Variants in VPS35L observed in about 807,000 individuals in gnomAD.
VPS35L encodes the protein VPS35 endosomal protein sorting factor like.
Under a neutral mutation model 133.0 loss-of-function variants are expected in VPS35L, and 83 were observed. The observed-to-expected ratio is 0.62, with a 90% CI of 0.52 to 0.75. The LOEUF (loss-of-function observed/expected upper bound fraction) is 0.75, where lower values mean the gene tolerates loss of function less well. VPS35L is among the 30% of genes least tolerant of loss of function. The pLI, the probability that VPS35L is intolerant of heterozygous loss-of-function variation, is 0.00. For synonymous variants in VPS35L, 423 were observed against 449.9 expected (o/e 0.94, Z 0.76); for missense variants, 1,083 against 1,206.8 (o/e 0.90, Z 1.52).
At chr16:19,679,262 T>C (rs183606320) in intron 27 of VPS35L, among the ~76,000 whole-genome samples, 372 of 152,034 alleles carry the variant, frequency 2.4e-3, no homozygotes, top group African/African-American at 8.3e-3. Flanking sequence ...CTTTTGAGCA[T>C]CTTGTATTCT....
intron 27 of VPS35L, among the ~76,000 whole-genome samples, chr16:19,674,462 C>G (rs1251096925): frequency 6.6e-6 from 1 of 151,236 alleles, no homozygotes; most frequent in African/African-American, 2.5e-5. Context: ...TCCCAAAGTG[C>G]TGGGATTTGT....
chr16:19,568,731 C>T (rs771205711), intron 2 of VPS35L, among the ~76,000 whole-genome samples: 1 of 152,072 alleles, frequency 6.6e-6, no homozygotes, highest in Non-Finnish European at 1.5e-5. Flanking sequence ...CTGCAACCTC[C>T]ACCTCCTGGG....
At chr16:19,698,297 G>A (rs115662773) in intron 29 of VPS35L, among the ~76,000 whole-genome samples, 2,917 of 152,190 alleles carry the variant, frequency 0.019, 90 homozygotes, top group African/African-American at 0.066. Context: ...GGCCACCACT[G>A]GTGGCCCAGG....
chr16:19,568,637 G>T (rs915425766), intron 2 of VPS35L, among the ~76,000 whole-genome samples: 1 of 151,948 alleles, frequency 6.6e-6, no homozygotes, highest in Non-Finnish European at 1.5e-5. Flanking sequence ...ATCTCCTAGG[G>T]TATTAGGAGC....
intron 5 of VPS35L, chr16:19,578,685 A>G: frequency 3.1e-6 from 1 of 321,542 alleles, no homozygotes; most frequent in Non-Finnish European, 6.0e-6. Context: ...GCTGTGAGTA[A>G]GAGCCTAAGA....
chr16:19,685,604 C>T lies in VPS35L; in HGVS notation c.2527+3214C>T, dbSNP rs556016991. On this transcript the variant is annotated intron_variant, in intron 28 of 30. Transcript: ENST00000417362. ...TATTCTGCGTTGGAGGATACTGCCT[C>T]ACAGTTTCCCAAAGGGTTAAACCAA... is the stretch of plus-strand genomic sequence containing the variant. Among the ~76,000 whole-genome samples the T allele has an allele frequency of 2.6e-5, 4 of 152,308 alleles. No individual in the cohort carries two copies. The South Asian group carries it at 6.2e-4, about 24-fold the overall frequency.
At chr16:19,669,474 A>G (rs8064096) in intron 27 of VPS35L, among the ~76,000 whole-genome samples, 175 bp downstream of exon 27, 52,573 of 151,544 alleles carry the variant, frequency 0.35, 9,284 homozygotes, top group African/African-American at 0.37. Context: ...GGTGGGGATC[A>G]TACTATAATA....
At chr16:19,576,120 C>A (rs904012822) in intron 5 of VPS35L, among the ~76,000 whole-genome samples, 4 of 144,862 alleles carry the variant, frequency 2.8e-5, no homozygotes, top group African/African-American at 1.0e-4. Flanking sequence ...GAGCCAAGAT[C>A]GTGCCATTGC....
intron 7 of VPS35L, 90 bp downstream of exon 7, chr16:19,581,743 G>T: frequency 7.0e-7 from 1 of 1,430,186 alleles, no homozygotes; most frequent in Non-Finnish European, 9.6e-7. Flanking sequence ...CTACCTGCAG[G>T]GTCTTACTCT....
At chr16:19,626,723 CTG>C (rs1488198611) in intron 15 of VPS35L, among the ~76,000 whole-genome samples, 2 of 152,040 alleles carry the variant, frequency 1.3e-5, no homozygotes, top group African/African-American at 4.8e-5. Flanking sequence ...GATCATGACA[CTG>C]TACTCTAGCT....
chr16:19,626,138 A>G lies in VPS35L; in HGVS notation c.1225-39A>G, dbSNP rs192490535. Reference sequence around the variant, plus strand: ...TTAGAAATGTTACTTTAGCTCCTCCAACCTGATTTTTTAATTATTATTATT... The same window carrying G: ...TTAGAAATGTTACTTTAGCTCCTCCGACCTGATTTTTTAATTATTATTATT... On this transcript the variant is annotated intron_variant, in intron 14 of 30. Transcript: ENST00000417362. 4.8e-5 allele frequency: 68 copies of G among 1,418,078 alleles called. No individual in the cohort carries two copies. The South Asian group carries it at 7.4e-4, about 16-fold the overall frequency. The allele number at this position is 1,418,078 out of a possible 1,614,324, so 87.8% of individuals were successfully genotyped here.
intron 14 of VPS35L, among the ~76,000 whole-genome samples, chr16:19,625,074 T>TAA (rs34264684): frequency 0.27 from 40,387 of 148,240 alleles, 5,523 homozygotes; most frequent in Middle Eastern, 0.37. Flanking sequence ...TCCAATGAGT[T>TAA]AAAAAAAAAA....
chr16:19,616,928 C>T, intron 14 of VPS35L, 120 bp downstream of exon 14: 5 of 1,440,056 alleles, frequency 3.5e-6, no homozygotes, highest in Non-Finnish European at 4.8e-6. Context: ...TTAGTGCTAG[C>T]CAGCCTTTAT....
intron 8 of VPS35L, among the ~76,000 whole-genome samples, chr16:19,595,018 A>G (rs868014950): frequency 5.3e-5 from 8 of 152,262 alleles, no homozygotes; most frequent in Non-Finnish European, 8.8e-5. Flanking sequence ...CATTGGGAGC[A>G]TGCCAGGCTG....
intron 27 of VPS35L, among the ~76,000 whole-genome samples, chr16:19,672,485 A>T (rs745356506): frequency 1.3e-5 from 2 of 152,226 alleles, no homozygotes; most frequent in African/African-American, 4.8e-5. Context: ...ACTGTTTGGC[A>T]TGTGAATTAT....
chr16:19,598,384 AAT>A (rs1221152060), intron 8 of VPS35L, among the ~76,000 whole-genome samples: 1 of 152,248 alleles, frequency 6.6e-6, no homozygotes, highest in Non-Finnish European at 1.5e-5. Context: ...CAAGACAGGA[AAT>A]AAATCTAGGA....
chr16:19,652,183 T>G (rs1056284290), intron 26 of VPS35L, 93 bp downstream of exon 26: 2 of 935,154 alleles, frequency 2.1e-6, no homozygotes, highest in Non-Finnish European at 1.7e-6. Context: ...GAGACAAAGA[T>G]TTCTTTTTTT....
chr16:19,652,391 A>G (rs1022206955), intron 26 of VPS35L: 1 of 241,320 alleles, frequency 4.1e-6, no homozygotes, highest in Admixed American at 5.3e-5. Flanking sequence ...GCCTGTCTTG[A>G]ACTCCTGGGC....
intron 6 of VPS35L, among the ~76,000 whole-genome samples, chr16:19,580,629 G>C (rs185227306): frequency 6.6e-6 from 1 of 151,982 alleles, no homozygotes; most frequent in Non-Finnish European, 1.5e-5. Context: ...TCCCCATGAC[G>C]ATCCCTTGCT....
Sources: gnomAD v4.1 joint callset for allele counts (sites outside exome capture counted in the v4.1 genomes callset) on GRCh38, gnomAD v4.1.1 for gene constraint, MANE v1.5 for transcripts, NCBI Gene and HGNC (gene_info 2026-07-23, HGNC 2026-07-21) for gene names.